R3HCC1L: variants seen among roughly 807,000 people sequenced by gnomAD.
The protein encoded by R3HCC1L is R3H domain and coiled-coil containing 1 like, also known as coiled-coil domain-containing protein R3HCC1L.
In R3HCC1L, 51 loss-of-function variants were observed where a neutral mutation model predicts 59.9. The ratio of observed to expected loss-of-function variants is 0.85; its 90% CI spans 0.68 to 1.07. The LOEUF (loss-of-function observed/expected upper bound fraction) is 1.07. Ranked by LOEUF, R3HCC1L falls within the 50% of genes least tolerant of loss-of-function variation. The pLI, the probability that R3HCC1L is intolerant of heterozygous loss-of-function variation, is 0.00. For synonymous variants in R3HCC1L, 322 were observed against 315.2 expected, an observed-to-expected ratio of 1.02 and a Z score of -0.23; for missense variants, 965 against 933.0, an observed-to-expected ratio of 1.03 and a Z score of -0.45.
At chr10:98,201,436 T>G (rs1852033207) in intron 4 of R3HCC1L, among the ~76,000 whole-genome samples, 1 of 152,220 alleles carries the variant, frequency 6.6e-6, no homozygotes, top group Non-Finnish European at 1.5e-5. Context: ...ATATTGTCAT[T>G]CAAACATATT....
intron 5 of R3HCC1L, chr10:98,211,235 A>C: frequency 1.1e-6 from 1 of 921,058 alleles, no homozygotes; most frequent in Admixed American, 2.2e-5. Context: ...CAGCAGCATG[A>C]GTATCACCTA....
chr10:98,211,141 A>G (rs984102000), intron 5 of R3HCC1L, among the ~76,000 whole-genome samples: 1 of 152,172 alleles, frequency 6.6e-6, no homozygotes, highest in African/African-American at 2.4e-5. Context: ...AATTACATGC[A>G]AAATTATATG....
At chr10:98,224,107 C>T (rs1025386844) in intron 5 of R3HCC1L, among the ~76,000 whole-genome samples, 1 of 152,016 alleles carries the variant, frequency 6.6e-6, no homozygotes, top group African/African-American at 2.4e-5. Flanking sequence ...GCTTGGGTGC[C>T]GCTCATTGTT....
intron 5 of R3HCC1L, among the ~76,000 whole-genome samples, chr10:98,226,919 A>G (rs1326114635): frequency 6.6e-6 from 1 of 152,222 alleles, no homozygotes; most frequent in East Asian, 1.9e-4. Context: ...GAGACTTGTC[A>G]TTGTATGGAT....
intron 2 of R3HCC1L, among the ~76,000 whole-genome samples, chr10:98,157,334 C>T (rs551730764): frequency 3.9e-5 from 6 of 152,148 alleles, no homozygotes; most frequent in Admixed American, 2.6e-4. Context: ...GGGGGTGGGG[C>T]GATAGATTTT....
chr10:98,198,448 T>C (rs758373892), intron 4 of R3HCC1L, among the ~76,000 whole-genome samples: 7 of 151,880 alleles, frequency 4.6e-5, no homozygotes, highest in Non-Finnish European at 1.0e-4. Flanking sequence ...CTCTTGATAG[T>C]GTAGTGAAAC....
chr10:98,190,156 C>T lies in R3HCC1L; in HGVS notation c.-14-17945C>T, dbSNP rs114199252. 3.9e-3 allele frequency among the ~76,000 whole-genome samples: 586 copies of T among 152,162 alleles called. 6 individuals are homozygous for T. The highest frequency in any genetic ancestry group is 0.013 in the African/African-American group (530 of 41,504). ...AGACTTCATTGTTAGGGAATAATAA[C>T]GAGGAAAATCTGTGCATGTTCAGTA... On this transcript the variant is annotated intron_variant, in intron 4 of 9. Transcript: ENST00000298999.
intron 4 of R3HCC1L, among the ~76,000 whole-genome samples, chr10:98,184,224 C>G (rs1188309306): frequency 6.6e-6 from 1 of 152,058 alleles, no homozygotes; most frequent in African/African-American, 2.4e-5. Context: ...TTTAGGTCTT[C>G]CCTTTGAACT....
chr10:98,218,253 C>T (rs1380332815), intron 5 of R3HCC1L, among the ~76,000 whole-genome samples: 1 of 151,802 alleles, frequency 6.6e-6, no homozygotes, highest in Non-Finnish European at 1.5e-5. Flanking sequence ...TTTTCTGTAT[C>T]TGTTGAGATG....
At position 98,209,497 on chromosome 10, in the gene R3HCC1L, G is replaced by GTT; in HGVS notation, c.1384_1385dup (p.Leu462PhefsTer2). 6.2e-7 allele frequency: 1 copy of GTT among 1,613,818 alleles called. No homozygotes were observed. Among genetic ancestry groups the GTT allele is most frequent in the Non-Finnish European group, 8.5e-7 (1 of 1,179,986 alleles). On this transcript the variant is annotated frameshift_variant, in exon 5 of 10. Coordinates refer to ENST00000298999, the MANE Select transcript of R3HCC1L (RefSeq NM_001351015.2). LOFTEE classifies it high-confidence loss of function. ...CTCATTTTACAGAGTCAACAGGAAA[G>GTT]TTGATAGAGAGCTTGTCAGATTGTG... is the stretch of plus-strand genomic sequence containing the variant.
chr10:98,208,254 T>A lies in R3HCC1L; in HGVS notation c.140T>A (p.Val47Glu). ...EESCGSPNSV[V>E]KEKQKESSLS... ...AGCTGTGGTTCACCTAACTCTGTGG[T>A]GAAAGAAAAGCAAAAAGAAAGTTCT... Residue 47 changes from valine (V) to glutamate (E), a missense_variant, in exon 5 of 10, where the codon GTG (valine) becomes GAG (glutamate). Coordinates refer to ENST00000298999, the MANE Select transcript of R3HCC1L (RefSeq NM_001351015.2). The A allele has an allele frequency of 6.2e-7, 1 of 1,613,952 alleles. No individual in the cohort carries two copies. The highest frequency in any genetic ancestry group is 8.5e-7 in the Non-Finnish European group (1 of 1,179,992).
intron 1 of R3HCC1L, among the ~76,000 whole-genome samples, chr10:98,143,816 A>T (rs1845401747): frequency 6.6e-6 from 1 of 152,196 alleles, no homozygotes; most frequent in Non-Finnish European, 1.5e-5. Context: ...TTACTTTGTA[A>T]TTAAACATAT....
chr10:98,207,744 C>T (rs1206808877), intron 4 of R3HCC1L, among the ~76,000 whole-genome samples: 2 of 151,594 alleles, frequency 1.3e-5, no homozygotes, highest in Admixed American at 6.6e-5. Context: ...GTGGTTCATG[C>T]CTGTCATCCC....
intron 1 of R3HCC1L, among the ~76,000 whole-genome samples, chr10:98,151,857 C>G (rs1224401561): frequency 2.0e-5 from 3 of 152,182 alleles, no homozygotes; most frequent in African/African-American, 4.8e-5. Context: ...GTACCAGAGA[C>G]TTAAATGTGA....
rs1054986261 is a variant in R3HCC1L, at chr10:98,231,718, G to A, written c.1961+31G>A. 6 of 1,541,148 alleles carry A rather than the reference G, an allele frequency of 3.9e-6. No homozygotes were observed. In the African/African-American group the frequency reaches 4.2e-5, roughly 11 times the overall value. On this transcript the variant is annotated intron_variant, in intron 6 of 9. Coordinates refer to ENST00000298999, the MANE Select transcript of R3HCC1L (RefSeq NM_001351015.2). The stretch of plus-strand genomic sequence containing the variant: ...TATGCAAATGATTGTGGATGTTAGG[G>A]AGGGTGAGATGAAGTCTTTAAAAAA...
chr10:98,199,850 A>C (rs911395061), intron 4 of R3HCC1L, among the ~76,000 whole-genome samples: 5 of 152,090 alleles, frequency 3.3e-5, no homozygotes, highest in African/African-American at 1.2e-4. Flanking sequence ...AATTCTCAGA[A>C]TCAACAAAGA....
intron 4 of R3HCC1L, 130 bp downstream of exon 4, chr10:98,163,527 T>TG: frequency 1.9e-6 from 1 of 531,312 alleles, no homozygotes; most frequent in Non-Finnish European, 3.1e-6. Context: ...AGTTTGAAAA[T>TG]GGCAGTTTCC....
chr10:98,200,911 C>T (rs565217242), intron 4 of R3HCC1L, among the ~76,000 whole-genome samples: 1 of 152,162 alleles, frequency 6.6e-6, no homozygotes, highest in South Asian at 2.1e-4. Context: ...AACAGTAAGC[C>T]CACCCAGCCT....
chr10:98,140,926 A>G (rs1845074260), intron 1 of R3HCC1L, among the ~76,000 whole-genome samples: 2 of 152,140 alleles, frequency 1.3e-5, no homozygotes, highest in African/African-American at 4.8e-5. Context: ...ACTATAGAAA[A>G]CATGGCAAAT....
Sources: gnomAD v4.1 joint callset for allele counts (sites outside exome capture counted in the v4.1 genomes callset) on GRCh38, gnomAD v4.1.1 for gene constraint, MANE v1.5 for transcripts, NCBI Gene and HGNC (gene_info 2026-07-23, HGNC 2026-07-21) for gene names.